Variants in SH2D4B observed in about 807,000 individuals in gnomAD.
The protein encoded by SH2D4B is SH2 domain containing 4B, also known as SH2 domain-containing protein 4B.
A neutral mutation model predicts 61.5 loss-of-function variants in SH2D4B; 45 were observed. The observed-to-expected ratio is 0.73, with a 90% CI of 0.58 to 0.94. The LOEUF is 0.94. Ranked by LOEUF, SH2D4B falls within the 40% of genes least tolerant of loss-of-function variation. The pLI is 0.00. For missense variants in SH2D4B, 572 were observed against 574.2 expected (o/e 1.00, Z 0.04); for synonymous variants, 224 against 220.4 (o/e 1.02, Z -0.14).
chr10:80,601,055 G>A (rs564807082), intron 4 of SH2D4B, among the ~76,000 whole-genome samples: 3 of 152,204 alleles, frequency 2.0e-5, no homozygotes, highest in East Asian at 3.9e-4. Flanking sequence ...CGCAACATAC[G>A]GATGTCTTCT....
intron 1 of SH2D4B, among the ~76,000 whole-genome samples, chr10:80,551,062 A>T (rs1185631209): frequency 4.6e-5 from 7 of 151,852 alleles, no homozygotes; most frequent in Admixed American, 6.6e-5. Flanking sequence ...ATTTTATTTT[A>T]TTTTTTTTGA....
chr10:80,565,952 G>T (rs555800590), intron 1 of SH2D4B, among the ~76,000 whole-genome samples: 1 of 151,882 alleles, frequency 6.6e-6, no homozygotes, highest in African/African-American at 2.4e-5. Context: ...TTAGCCAGGC[G>T]TGGTGTTGGG....
intron 3 of SH2D4B, among the ~76,000 whole-genome samples, chr10:80,586,504 T>C (rs139392262): frequency 0.27 from 40,741 of 151,884 alleles, 6,386 homozygotes; most frequent in African/African-American, 0.43. Context: ...GCTACTCTGG[T>C]GGGGGCTTGG....
chr10:80,594,276 T>G (rs1463515788), intron 4 of SH2D4B, among the ~76,000 whole-genome samples: 1 of 152,222 alleles, frequency 6.6e-6, no homozygotes, highest in African/African-American at 2.4e-5. Context: ...TCTATTAACG[T>G]GGTGCATTCC....
At chr10:80,630,026 G>T (rs1842811796) in intron 6 of SH2D4B, among the ~76,000 whole-genome samples, 1 of 152,208 alleles carries the variant, frequency 6.6e-6, no homozygotes, top group Admixed American at 6.5e-5. Context: ...AAATGCCTGT[G>T]AAGGACAAAG....
At chr10:80,615,272 G>A (rs1032662690) in intron 6 of SH2D4B, among the ~76,000 whole-genome samples, 30 of 152,368 alleles carry the variant, frequency 2.0e-4, no homozygotes, top group African/African-American at 6.7e-4. Context: ...CTTTACAGGT[G>A]ACCCCACTGA....
chr10:80,632,639 T>C (rs79181994), intron 6 of SH2D4B, among the ~76,000 whole-genome samples: 1 of 152,048 alleles, frequency 6.6e-6, no homozygotes, highest in African/African-American at 2.4e-5. Context: ...ATCTCCCTGC[T>C]GCAGCCTCTT....
At chr10:80,602,187 G>C (rs575785664) in intron 4 of SH2D4B, among the ~76,000 whole-genome samples, 1 of 152,176 alleles carries the variant, frequency 6.6e-6, no homozygotes, top group Non-Finnish European at 1.5e-5. Flanking sequence ...GAGGTCGTGC[G>C]TGGGGGTTCA....
In SH2D4B at chr10:80,608,839, TTCTC is replaced by T. The variant is rs1842553262; in HGVS notation, c.861-579_861-576del. ...CCAGAGCAAATTGAGGTTCTCCAGCTTCTCTCTCTGTTCACTGCCCTGGTTCTGC... is the reference window on the plus strand; with the variant it reads ...CCAGAGCAAATTGAGGTTCTCCAGCTTCTCTGTTCACTGCCCTGGTTCTGC... On this transcript the variant is annotated intron_variant, in intron 5 of 7. Transcript: ENST00000646907. Among the ~76,000 whole-genome samples, 7 of 152,178 alleles carry T rather than the reference TTCTC, an allele frequency of 4.6e-5. 1 individual carries two copies. In the South Asian group the frequency reaches 1.4e-3, roughly 31 times the overall value.
chr10:80,586,432 C>G (rs887690004), intron 3 of SH2D4B, among the ~76,000 whole-genome samples: 3 of 152,132 alleles, frequency 2.0e-5, no homozygotes, highest in Non-Finnish European at 4.4e-5. Context: ...TTTGTAAACA[C>G]ACCTGTCAGC....
chr10:80,643,897 T>G, intron 7 of SH2D4B, 96 bp from the exon 8 acceptor site: 1 of 749,658 alleles, frequency 1.3e-6, no homozygotes, highest in Non-Finnish European at 2.1e-6. Context: ...AAATGCATAT[T>G]CTTAGTTTCT....
At chr10:80,602,332 G>A (rs539958692) in intron 4 of SH2D4B, among the ~76,000 whole-genome samples, 62 of 152,206 alleles carry the variant, frequency 4.1e-4, no homozygotes, top group South Asian at 4.1e-4. Flanking sequence ...GCATGGTGGC[G>A]CACACCTGTA....
chr10:80,599,320 T>G (rs1842418548), intron 4 of SH2D4B, among the ~76,000 whole-genome samples: 1 of 152,138 alleles, frequency 6.6e-6, no homozygotes, highest in African/African-American at 2.4e-5. Flanking sequence ...CTTGATGGGA[T>G]GGGACATCGT....
intron 1 of SH2D4B, among the ~76,000 whole-genome samples, chr10:80,542,785 G>T (rs1206586545): frequency 6.6e-6 from 1 of 151,662 alleles, no homozygotes. Context: ...CTTTTGCCTG[G>T]GAGCCAGACG....
In SH2D4B at chr10:80,603,568, C is replaced by G; in HGVS notation, c.644-11C>G. ...CGGATCTGGGCTAACGTGCTGTCTT[C>G]CTCTTTCCAGTGCGCCGGTCCAAGG... On this transcript the variant is annotated splice_polypyrimidine_tract_variant and intron_variant, in intron 4 of 7. Transcript: ENST00000646907. 6.5e-7 allele frequency: 1 copy of G among 1,535,694 alleles called. No homozygotes were observed.
intron 4 of SH2D4B, among the ~76,000 whole-genome samples, chr10:80,590,905 A>G (rs75315686): frequency 0.017 from 2,504 of 151,756 alleles, 69 homozygotes; most frequent in African/African-American, 0.056. Context: ...TTACTCATCA[A>G]TTTCTGTCTC....
At position 80,542,177 on chromosome 10, in the gene SH2D4B, T is replaced by C. The variant is rs540083662; in HGVS notation, c.184+3662T>C. Among the ~76,000 whole-genome samples the C allele has an allele frequency of 2.0e-5, 3 of 152,244 alleles. No homozygotes were observed. In the South Asian group the frequency reaches 6.2e-4, roughly 32 times the overall value. Reference sequence around the variant, plus strand: ...AAACCCCTCTAGCATGGCCACGACCTGTGCAAGCTCGTTCTCTCCTCATTC... The same window carrying C: ...AAACCCCTCTAGCATGGCCACGACCCGTGCAAGCTCGTTCTCTCCTCATTC... On this transcript the variant is annotated intron_variant, in intron 1 of 7. Transcript: ENST00000646907.
rs143767522 is a variant in SH2D4B, at chr10:80,609,373, C to G, written c.861-51C>G. 3,097 of 1,576,968 alleles carry G rather than the reference C, an allele frequency of 2.0e-3. 54 individuals carry two copies. The East Asian group carries it at 0.052, about 27-fold the overall frequency. On this transcript the variant is annotated intron_variant, in intron 5 of 7. Transcript: ENST00000646907. ...TCCCCTCTGCCTTCCTCTCCCTCCG[C>G]TCTTTCTCCCTCCCTGACTCTTCTG...
intron 1 of SH2D4B, among the ~76,000 whole-genome samples, chr10:80,547,504 G>A (rs778920481): frequency 1.3e-5 from 2 of 152,058 alleles, no homozygotes; most frequent in Admixed American, 6.5e-5. Context: ...GCTCTTTGTA[G>A]CTGTTGTTCA....
Sources: gnomAD v4.1 joint callset for allele counts (sites outside exome capture counted in the v4.1 genomes callset) on GRCh38, gnomAD v4.1.1 for gene constraint, MANE v1.5 for transcripts, NCBI Gene and HGNC (gene_info 2026-07-23, HGNC 2026-07-21) for gene names.